The following TMEM163 variants were observed in gnomAD, a reference collection of about 807,000 sequenced individuals.
TMEM163 encodes the protein transmembrane protein 163.
TMEM163 carries 17 observed loss-of-function variants against 29.3 expected under a neutral mutation model. The observed-to-expected ratio is 0.58, with a 90% CI of 0.40 to 0.87. TMEM163 has a LOEUF of 0.87. Ranked by LOEUF, TMEM163 falls within the 40% of genes least tolerant of loss-of-function variation. The pLI is 0.00. For synonymous variants in TMEM163, 157 were observed against 160.6 expected (o/e 0.98, Z 0.17); for missense variants, 303 against 381.5 (o/e 0.79, Z 1.71).
At chr2:134,519,797 G>A (rs1680153534) in intron 4 of TMEM163, among the ~76,000 whole-genome samples, 1 of 151,530 alleles carries the variant, frequency 6.6e-6, no homozygotes, top group African/African-American at 2.4e-5. Context: ...CGCTGAGGCA[G>A]GAGAATCGCC....
At chr2:134,496,314 G>A (rs1004765862) in intron 5 of TMEM163, among the ~76,000 whole-genome samples, 2 of 152,022 alleles carry the variant, frequency 1.3e-5, no homozygotes, top group Admixed American at 6.6e-5. Context: ...TGCCCGCCTC[G>A]GCCTCCCAAA....
chr2:134,520,691 G>GT (rs770240408), intron 4 of TMEM163, among the ~76,000 whole-genome samples: 1 of 152,154 alleles, frequency 6.6e-6, no homozygotes, highest in Non-Finnish European at 1.5e-5. Context: ...ATGTGTTCTT[G>GT]TCTACAAACT....
intron 4 of TMEM163, among the ~76,000 whole-genome samples, chr2:134,529,599 A>G (rs1285327953): frequency 6.6e-6 from 1 of 151,858 alleles, no homozygotes; most frequent in Non-Finnish European, 1.5e-5. Context: ...AAAAAAGTAC[A>G]AAAATTGGCC....
chr2:134,481,610 A>G (rs1574164673), intron 5 of TMEM163, among the ~76,000 whole-genome samples: 1 of 152,274 alleles, frequency 6.6e-6, no homozygotes, highest in Admixed American at 6.5e-5. Context: ...TGTCTTTATC[A>G]GCAGCGTGAA....
At chr2:134,485,969 C>T (rs1679297459) in intron 5 of TMEM163, among the ~76,000 whole-genome samples, 1 of 152,166 alleles carries the variant, frequency 6.6e-6, no homozygotes, top group South Asian at 2.1e-4. Flanking sequence ...ATGAGAAAGT[C>T]CCCTTGAAAG....
chr2:134,638,264 G>T (rs150297172), intron 2 of TMEM163, among the ~76,000 whole-genome samples: 2 of 152,176 alleles, frequency 1.3e-5, no homozygotes, highest in African/African-American at 4.8e-5. Context: ...GGTTATAGAG[G>T]TTATTACCCC....
At chr2:134,660,725 T>G (rs2104858215) in intron 2 of TMEM163, among the ~76,000 whole-genome samples, 1 of 152,236 alleles carries the variant, frequency 6.6e-6, no homozygotes. Flanking sequence ...ACCAGGCCAT[T>G]AGACACACCC....
chr2:134,568,715 CAAACAAAG>C (rs1344802940), intron 2 of TMEM163, among the ~76,000 whole-genome samples: 1 of 148,340 alleles, frequency 6.7e-6, no homozygotes, highest in Non-Finnish European at 1.5e-5. Context: ...AAGAAAGAAA[CAAACAAAG>C]AAACAAAGAA....
chr2:134,610,248 C>A (rs1682472190), intron 2 of TMEM163, among the ~76,000 whole-genome samples: 1 of 152,188 alleles, frequency 6.6e-6, no homozygotes, highest in Admixed American at 6.5e-5. Context: ...GGGGACAGAA[C>A]CTATGGAGGG....
At chr2:134,528,314 A>C (rs1680339656) in intron 4 of TMEM163, among the ~76,000 whole-genome samples, 1 of 152,248 alleles carries the variant, frequency 6.6e-6, no homozygotes, top group Non-Finnish European at 1.5e-5. Flanking sequence ...GATTTAGTCT[A>C]ACAATTCCAA....
At chr2:134,497,115 G>A (rs1679585097) in intron 5 of TMEM163, among the ~76,000 whole-genome samples, 1 of 152,140 alleles carries the variant, frequency 6.6e-6, no homozygotes, top group Non-Finnish European at 1.5e-5. Context: ...ATGTGATCGT[G>A]TCTATTATAG....
intron 5 of TMEM163, among the ~76,000 whole-genome samples, chr2:134,488,747 C>G (rs1213111062): frequency 6.6e-6 from 1 of 152,112 alleles, no homozygotes; most frequent in East Asian, 1.9e-4. Flanking sequence ...AGACTGGTAC[C>G]TGGAACACAG....
rs191145261 is a variant in TMEM163 at position 134,659,889 on chromosome 2, A to G, written c.322+53311T>C. ...GAGTTTGAGGCTGCAGTGAGCTACA[A>G]CCACTATACTGCACTACAGCCTGGG... On this transcript the variant is annotated intron_variant, in intron 2 of 7. Coordinates refer to ENST00000281924, the MANE Select transcript of TMEM163 (RefSeq NM_030923.5). 5.9e-4 allele frequency among the ~76,000 whole-genome samples: 90 copies of G among 152,106 alleles called. No individual in the cohort carries two copies. The East Asian group carries it at 0.016, about 27-fold the overall frequency.
intron 4 of TMEM163, among the ~76,000 whole-genome samples, chr2:134,512,591 T>G (rs1679975083): frequency 6.6e-6 from 1 of 152,158 alleles, no homozygotes; most frequent in Non-Finnish European, 1.5e-5. Context: ...ACGCCAGAAT[T>G]CATTCATCCC....
chr2:134,492,052 C>T (rs1021706025), intron 5 of TMEM163, among the ~76,000 whole-genome samples: 1 of 152,192 alleles, frequency 6.6e-6, no homozygotes, highest in African/African-American at 2.4e-5. Flanking sequence ...TGAGATCGGC[C>T]GTGGTTCAGC....
At chr2:134,504,427 A>AC (rs1679774163) in intron 4 of TMEM163, among the ~76,000 whole-genome samples, 2 of 151,726 alleles carry the variant, frequency 1.3e-5, no homozygotes, top group South Asian at 2.1e-4. Flanking sequence ...AAGGAACATC[A>AC]CCCCCCAAGG....
At chr2:134,494,687 C>A (rs1188991126) in intron 5 of TMEM163, among the ~76,000 whole-genome samples, 1 of 152,234 alleles carries the variant, frequency 6.6e-6, no homozygotes, top group Non-Finnish European at 1.5e-5. Context: ...TCCCCTACAT[C>A]TTTTTATTTT....
intron 2 of TMEM163, among the ~76,000 whole-genome samples, chr2:134,636,755 G>T (rs944428575): frequency 6.6e-6 from 1 of 152,156 alleles, no homozygotes; most frequent in African/African-American, 2.4e-5. Flanking sequence ...ATTGCTCCTG[G>T]GGATTATATT....
chr2:134,680,905 A>T (rs551668553), intron 2 of TMEM163, among the ~76,000 whole-genome samples: 4 of 152,176 alleles, frequency 2.6e-5, no homozygotes, highest in African/African-American at 9.7e-5. Flanking sequence ...ACAAAAGCAC[A>T]TGAAGAGCTT....
Sources: allele counts gnomAD v4.1 joint callset (sites outside exome capture counted in the v4.1 genomes callset), GRCh38; gene constraint gnomAD v4.1.1; transcripts MANE v1.5; gene names NCBI Gene and HGNC (gene_info 2026-07-23, HGNC 2026-07-21).